Variants in YPEL1 observed in about 807,000 individuals in gnomAD.
YPEL1 encodes protein yippee-like 1.
In YPEL1, 7 loss-of-function variants were observed where a neutral mutation model predicts 17.3. The observed-to-expected ratio is 0.40, with a 90% confidence interval of 0.23 to 0.76. The LOEUF is 0.76. Ranked by LOEUF, YPEL1 falls within the 30% of genes least tolerant of loss-of-function variation. The probability of loss-of-function intolerance (pLI) is 0.35; values close to 1 mark genes in which losing one functional copy is unlikely to be tolerated. For synonymous variants in YPEL1, 59 were observed against 59.6 expected, an observed-to-expected ratio of 0.99 and a Z score of 0.05; for missense variants, 91 against 155.5, an observed-to-expected ratio of 0.59 and a Z score of 2.21.
intron 1 of YPEL1, among the ~76,000 whole-genome samples, chr22:21,717,030 T>C (rs1296083580): frequency 6.6e-6 from 1 of 151,334 alleles, no homozygotes; most frequent in Non-Finnish European, 1.5e-5. Context: ...AAAAAGAGAA[T>C]ACCTACACTG....
intron 1 of YPEL1, among the ~76,000 whole-genome samples, chr22:21,717,132 G>A (rs965486429): frequency 2.8e-5 from 3 of 106,522 alleles, no homozygotes; most frequent in Non-Finnish European, 7.3e-5. Flanking sequence ...TTGGGAGGCC[G>A]GGGCTGGGGG....
intron 1 of YPEL1, among the ~76,000 whole-genome samples, chr22:21,721,021 G>C (rs2068276643): frequency 6.6e-6 from 1 of 151,764 alleles, no homozygotes. Context: ...ATGTTGGCCA[G>C]GCTGGTCTCA....
intron 2 of YPEL1, among the ~76,000 whole-genome samples, chr22:21,710,283 A>G (rs1343542046): frequency 6.6e-6 from 1 of 152,168 alleles, no homozygotes; most frequent in Non-Finnish European, 1.5e-5. Context: ...TACCCTTATT[A>G]TTAAACCATT....
At position 21,710,912 on chromosome 22, in the gene YPEL1, C is replaced by T; in HGVS notation, c.-164-4G>A. On this transcript the variant is annotated splice_polypyrimidine_tract_variant and splice_region_variant and intron_variant, in intron 1 of 4. Coordinates refer to ENST00000339468, the MANE Select transcript of YPEL1 (RefSeq NM_013313.5). Reference sequence around the variant, plus strand: ...TGGGACGAGAGAAAAACGTAACCTGCCAACCAATCAGACAAAGTGGTGGGT... The same window carrying T: ...TGGGACGAGAGAAAAACGTAACCTGTCAACCAATCAGACAAAGTGGTGGGT... 1.5e-6 allele frequency: 1 copy of T among 664,138 alleles called. No individual in the cohort carries two copies. The highest frequency in any genetic ancestry group is 1.8e-5 in the African/African-American group (1 of 56,276). 41.1% of individuals were successfully genotyped at this position (664,138 alleles called of 1,614,324 possible).
intron 1 of YPEL1, among the ~76,000 whole-genome samples, chr22:21,718,288 C>A (rs553126183): frequency 1.1e-3 from 173 of 151,624 alleles, no homozygotes; most frequent in Middle Eastern, 3.4e-3. Flanking sequence ...ACAATGAAAC[C>A]CCATCTCTAC....
intron 1 of YPEL1, among the ~76,000 whole-genome samples, chr22:21,731,687 C>T (rs2148616342): frequency 6.6e-6 from 1 of 152,234 alleles, no homozygotes; most frequent in East Asian, 1.9e-4. Flanking sequence ...ACAGGGATGT[C>T]ATCACCCCCA....
At chr22:21,708,141 A>G (rs2068130917) in intron 2 of YPEL1, among the ~76,000 whole-genome samples, 1 of 152,004 alleles carries the variant, frequency 6.6e-6, no homozygotes, top group Admixed American at 6.6e-5. Context: ...AATCCTCATC[A>G]GAATCACCAC....
intron 4 of YPEL1, among the ~76,000 whole-genome samples, chr22:21,702,154 C>G (rs937852120): frequency 3.3e-5 from 5 of 152,172 alleles, no homozygotes; most frequent in African/African-American, 1.2e-4. Flanking sequence ...ACACAGATGA[C>G]CAAGATGGAT....
chr22:21,708,620 G>C (rs2068135678), intron 2 of YPEL1, among the ~76,000 whole-genome samples: 1 of 148,426 alleles, frequency 6.7e-6, no homozygotes, highest in East Asian at 2.0e-4. Flanking sequence ...GATTACAGGT[G>C]TAAGCCACCA....
At chr22:21,725,304 CCA>C (rs2068324480) in intron 1 of YPEL1, among the ~76,000 whole-genome samples, 1 of 151,414 alleles carries the variant, frequency 6.6e-6, no homozygotes, top group African/African-American at 2.4e-5. Flanking sequence ...AATGCAAGCT[CCA>C]TCTCCCGGGT....
chr22:21,703,944 C>A lies in YPEL1; in HGVS notation c.118-62G>T. 1 of 1,547,280 alleles carries A rather than the reference C, an allele frequency of 6.5e-7. No individual in the cohort carries two copies. The highest frequency in any genetic ancestry group is 8.8e-7 in the Non-Finnish European group (1 of 1,142,094). On this transcript the variant is annotated intron_variant, in intron 2 of 4. Coordinates refer to ENST00000339468, the MANE Select transcript of YPEL1 (RefSeq NM_013313.5). The surrounding 1 kb of genome is among the most constrained non-coding windows in gnomAD (Gnocchi z 6.1). ...GCTTTCTGGAACGAAGCGGTGCTGC[C>A]CAGAACCAGGGGAGTCCAGCCCCGC...
At position 21,700,843 on chromosome 22, in the gene YPEL1, A is replaced by C. The variant is rs908132071; in HGVS notation, c.*286T>G. ...TATATTGAAGACAAAGGTGAAAGGA[A>C]GATATTAACTAGGCAGGTAAGTCAT... On this transcript the variant is annotated 3_prime_UTR_variant, in exon 5 of 5. Transcript: ENST00000339468. The C allele has an allele frequency of 3.4e-6, 1 of 290,608 alleles. No homozygotes were observed. Among genetic ancestry groups the C allele is most frequent in the Non-Finnish European group, 6.4e-6 (1 of 155,604 alleles). The allele number at this position is 290,608 out of a possible 1,614,324, so 18.0% of individuals were successfully genotyped here. A position where few individuals can be genotyped will look rare whatever the true frequency, so the allele number is the denominator to read the frequency against.
intron 1 of YPEL1, among the ~76,000 whole-genome samples, chr22:21,713,218 C>T (rs575899798): frequency 6.6e-5 from 10 of 152,190 alleles, no homozygotes; most frequent in South Asian, 4.1e-4. Flanking sequence ...CCTCAAAAAA[C>T]GAAATATAGA....
At chr22:21,713,134 A>T (rs536227094) in intron 1 of YPEL1, among the ~76,000 whole-genome samples, 1 of 152,296 alleles carries the variant, frequency 6.6e-6, no homozygotes, top group South Asian at 2.1e-4. Flanking sequence ...GAGGATGTGG[A>T]GGAATTGGAG....
Position 21,724,374 on chromosome 22 carries a change from T to G in YPEL1, c.-165+11241A>C, listed in dbSNP as rs536190590. Among the ~76,000 whole-genome samples, 3 of 151,982 alleles carry G rather than the reference T, an allele frequency of 2.0e-5. No homozygotes were observed. The South Asian group carries it at 6.2e-4, about 32-fold the overall frequency. ...CAACGTGGTGAAACCCCATCTCTAC[T>G]AAAAATACTAAAATTAGCCATGCGT... On this transcript the variant is annotated intron_variant, in intron 1 of 4. Transcript: ENST00000339468.
intron 1 of YPEL1, among the ~76,000 whole-genome samples, chr22:21,715,012 G>A (rs562870700): frequency 2.6e-5 from 4 of 152,336 alleles, no homozygotes; most frequent in South Asian, 2.1e-4. Flanking sequence ...TTACTGGAAT[G>A]TGGACATGAC....
intron 1 of YPEL1, among the ~76,000 whole-genome samples, chr22:21,720,177 CAAAA>C (rs1292044683): frequency 3.7e-5 from 3 of 81,490 alleles, no homozygotes; most frequent in Admixed American, 2.8e-4. Context: ...GACTCTGTAT[CAAAA>C]AAAAAAAAAA....
At chr22:21,729,567 C>T (rs1033740069) in intron 1 of YPEL1, among the ~76,000 whole-genome samples, 2 of 152,128 alleles carry the variant, frequency 1.3e-5, no homozygotes, top group South Asian at 2.1e-4. Flanking sequence ...CACCACTGCA[C>T]TCCAGGCTGG....
chr22:21,712,337 T>G (rs1478467873), intron 1 of YPEL1, among the ~76,000 whole-genome samples: 1 of 149,462 alleles, frequency 6.7e-6, no homozygotes, highest in Admixed American at 6.7e-5. Context: ...TATATCCATA[T>G]TCTCTATATA....
Sources: gnomAD v4.1 joint callset for allele counts (sites outside exome capture counted in the v4.1 genomes callset) on GRCh38, gnomAD v4.1.1 for gene constraint, Gnocchi (gnomAD v3.1) non-coding constraint, MANE v1.5 for transcripts, NCBI Gene and HGNC (gene_info 2026-07-23, HGNC 2026-07-21) for gene names.